The following EVI5 variants were observed in gnomAD, a reference collection of about 807,000 sequenced individuals.
The protein encoded by EVI5 is ecotropic viral integration site 5 protein homolog.
A neutral mutation model predicts 112.0 loss-of-function variants in EVI5; 73 were observed. That is an observed-to-expected ratio of 0.65 (90% confidence interval 0.54 to 0.79). The LOEUF (loss-of-function observed/expected upper bound fraction) is 0.79. Among genes scored for constraint, EVI5 ranks in the 30% least tolerant of loss-of-function variants. The probability of loss-of-function intolerance (pLI) is 0.00; values close to 1 mark genes in which losing one functional copy is unlikely to be tolerated. For synonymous variants in EVI5, 305 were observed against 319.9 expected, an observed-to-expected ratio of 0.95 and a Z score of 0.50; for missense variants, 900 against 968.8, an observed-to-expected ratio of 0.93 and a Z score of 0.94.
chr1:92,686,591 G>A (rs7541588), intron 9 of EVI5, among the ~76,000 whole-genome samples: 91,257 of 152,004 alleles, frequency 0.6, 28,491 homozygotes, highest in East Asian at 0.92. Context: ...GTTAGGAAAA[G>A]AGGAAGTCAA....
chr1:92,621,573 CA>C (rs546599770), intron 16 of EVI5, among the ~76,000 whole-genome samples: 266 of 152,256 alleles, frequency 1.7e-3, no homozygotes, highest in African/African-American at 5.8e-3. Context: ...CTTGGCCTCC[CA>C]AAATGTTGGG....
rs1655152716 is a variant in EVI5 at position 92,624,193 on chromosome 1, T to A, written c.1810A>T (p.Met604Leu). 6.2e-7 allele frequency: 1 copy of A among 1,613,590 alleles called. No homozygotes were observed. ...CATCATACCTGTGTTTCCATTTCCA[T>A]CATCCTTTGTTTTATTTCTCTTATT... ...AEIREIKQRM[M>L]EMETQNQINS... Residue 604 changes from methionine (M) to leucine (L), a missense_variant, in exon 16 of 20, where the codon ATG becomes TTG. Transcript: ENST00000684568.
At chr1:92,570,856 G>C (rs1670223479) in intron 18 of EVI5, among the ~76,000 whole-genome samples, 1 of 152,070 alleles carries the variant, frequency 6.6e-6, no homozygotes, top group East Asian at 1.9e-4. Context: ...TTGGAGGAAA[G>C]ATAGCATTTG....
intron 19 of EVI5, among the ~76,000 whole-genome samples, chr1:92,522,564 CG>C (rs975456544): frequency 8.2e-6 from 1 of 121,450 alleles, no homozygotes; most frequent in African/African-American, 3.2e-5. Context: ...ACCTGGGAGG[CG>C]GGGGTTCACT....
At chr1:92,786,279 A>G (rs971299939), upstream of EVI5, among the ~76,000 whole-genome samples, 1 of 151,268 alleles carries the variant, frequency 6.6e-6, no homozygotes, top group African/African-American at 2.4e-5. Context: ...CAACAAGATT[A>G]GGAAATACCA....
At chr1:92,686,983 A>G (rs958953382) in intron 9 of EVI5, among the ~76,000 whole-genome samples, 10 of 152,156 alleles carry the variant, frequency 6.6e-5, no homozygotes, top group Admixed American at 6.6e-4. Context: ...TTTATAGATT[A>G]AATGCCATCC....
At chr1:92,786,929 T>C (rs1309478222), upstream of EVI5, among the ~76,000 whole-genome samples, 4 of 152,220 alleles carry the variant, frequency 2.6e-5, no homozygotes, top group East Asian at 7.7e-4. Flanking sequence ...CTTTTACTCA[T>C]GCTTTGCTCT....
intron 10 of EVI5, among the ~76,000 whole-genome samples, chr1:92,673,266 C>T (rs181033456): frequency 7.2e-6 from 1 of 139,574 alleles, no homozygotes; most frequent in East Asian, 2.2e-4. Context: ...TTCAGCATAT[C>T]TGAAATGTAC....
At chr1:92,736,694 TTC>T (rs1334815407) in intron 1 of EVI5, 67 bp from the exon 2 acceptor site, 2 of 1,031,420 alleles carry the variant, frequency 1.9e-6, no homozygotes, top group East Asian at 4.8e-5. Flanking sequence ...AACTTAATAA[TTC>T]TGTTAGGATT....
intron 18 of EVI5, among the ~76,000 whole-genome samples, chr1:92,589,835 C>A (rs533329359): frequency 3.3e-5 from 5 of 152,288 alleles, no homozygotes; most frequent in South Asian, 2.1e-4. Context: ...GGGCCCTGAC[C>A]CCTGAGTAGC....
At chr1:92,592,196 C>T (rs9663086) in intron 18 of EVI5, among the ~76,000 whole-genome samples, 140,017 of 152,016 alleles carry the variant, frequency 0.92, 64,569 homozygotes, top group East Asian at 0.97. Flanking sequence ...TGAGCCAGGA[C>T]CTTGCCACTG....
intron 2 of EVI5, among the ~76,000 whole-genome samples, chr1:92,722,609 C>G (rs764510194): frequency 6.6e-6 from 1 of 152,026 alleles, no homozygotes; most frequent in Non-Finnish European, 1.5e-5. Context: ...TCCTTTTGCT[C>G]TATTTAATAG....
intron 19 of EVI5, among the ~76,000 whole-genome samples, chr1:92,518,883 A>T (rs956202316): frequency 6.6e-6 from 1 of 152,152 alleles, no homozygotes; most frequent in Non-Finnish European, 1.5e-5. Context: ...ATGGCATCAG[A>T]CTCTCCAACT....
intron 18 of EVI5, among the ~76,000 whole-genome samples, chr1:92,600,192 A>G (rs1301716868): frequency 6.6e-6 from 1 of 152,240 alleles, no homozygotes; most frequent in Non-Finnish European, 1.5e-5. Flanking sequence ...GCGATATGCA[A>G]AACTGAGAAG....
intron 1 of EVI5, among the ~76,000 whole-genome samples, chr1:92,757,172 T>C (rs1681080040): frequency 6.6e-6 from 1 of 152,198 alleles, no homozygotes; most frequent in Non-Finnish European, 1.5e-5. Context: ...CAAATTTAGT[T>C]ACAACAAATC....
At chr1:92,683,674 G>A (rs1018526873) in intron 9 of EVI5, among the ~76,000 whole-genome samples, 2 of 152,210 alleles carry the variant, frequency 1.3e-5, no homozygotes, top group African/African-American at 2.4e-5. Context: ...AAGGTTAGAT[G>A]ATTGGCTAAC....
intron 1 of EVI5, chr1:92,749,186 C>A: frequency 6.9e-6 from 2 of 290,090 alleles, no homozygotes. Flanking sequence ...GGCTTCTTCA[C>A]TCCTCCAGTA....
chr1:92,702,052 AC>A, intron 5 of EVI5, 88 bp downstream of exon 5: 1 of 643,648 alleles, frequency 1.6e-6, no homozygotes, highest in South Asian at 1.9e-5. Flanking sequence ...ATATCCACTT[AC>A]ATTTAATAAA....
chr1:92,785,195 G>A (rs545959984), upstream of EVI5: 50 of 749,694 alleles, frequency 6.7e-5, no homozygotes, highest in African/African-American at 9.5e-4. Context: ...GGGCGGGCCG[G>A]CCGAGAAAAG....
Sources: gnomAD v4.1 joint callset for allele counts (sites outside exome capture counted in the v4.1 genomes callset) on GRCh38, gnomAD v4.1.1 for gene constraint, MANE v1.5 for transcripts, NCBI Gene and HGNC (gene_info 2026-07-23, HGNC 2026-07-21) for gene names.